MRC2: variants seen among roughly 807,000 people sequenced by gnomAD.
MRC2 encodes C-type mannose receptor 2.
MRC2 carries 84 observed loss-of-function variants against 206.2 expected under a neutral mutation model. The ratio of observed to expected loss-of-function variants is 0.41; its 90% CI spans 0.34 to 0.49. MRC2 has a LOEUF of 0.49. Among genes scored for constraint, MRC2 ranks in the 20% least tolerant of loss-of-function variants. MRC2 has a pLI of 0.31. For synonymous variants in MRC2, 798 were observed against 800.0 expected (o/e 1.00, Z 0.04); for missense variants, 1,676 against 2,001.5 (o/e 0.84, Z 3.10).
chr17:62,659,559 A>G (rs917779360), intron 1 of MRC2, among the ~76,000 whole-genome samples: 4 of 152,008 alleles, frequency 2.6e-5, no homozygotes, highest in Non-Finnish European at 5.9e-5. Context: ...AAAAAAAAAA[A>G]AGCTTTCAGC....
intron 23 of MRC2, 174 bp from the exon 24 acceptor site, chr17:62,689,348 A>G: frequency 3.4e-6 from 2 of 589,940 alleles, no homozygotes; most frequent in Non-Finnish European, 6.1e-6. Context: ...TTGTTAGCAA[A>G]CATGTATTAT....
intron 1 of MRC2, among the ~76,000 whole-genome samples, chr17:62,663,256 TC>T (rs2147462086): frequency 7.4e-6 from 1 of 134,534 alleles, no homozygotes; most frequent in Non-Finnish European, 1.6e-5. Context: ...CCCTCCTTCC[TC>T]CCTAGTTTCT....
Position 62,635,191 on chromosome 17 carries a change from CTTT to C in MRC2, c.118+7290_118+7292del, listed in dbSNP as rs35446845. On this transcript the variant is annotated intron_variant, in intron 1 of 29. Transcript: ENST00000303375. ...CCTGTTACTTCATTGCTATTTTTCTCTTTTTTTTTTTTTTTTTTTTTCAGAAAT... is the reference window on the plus strand; with the variant it reads ...CCTGTTACTTCATTGCTATTTTTCTCTTTTTTTTTTTTTTTTTTCAGAAAT... 3.3e-3 allele frequency among the ~76,000 whole-genome samples: 336 copies of C among 101,722 alleles called. 1 individual carries two copies. Among genetic ancestry groups the C allele is most frequent in the African/African-American group, 0.012 (312 of 26,190 alleles). 66.7% of individuals were successfully genotyped at this position (101,722 alleles called of 152,430 possible).
Position 62,682,230 on chromosome 17 carries a change from C to T in MRC2, c.2804-5C>T, listed in dbSNP as rs551680263. The T allele has an allele frequency of 2.3e-5, 36 of 1,575,292 alleles. No individual in the cohort carries two copies. The highest frequency in any genetic ancestry group is 1.9e-4 in the African/African-American group (14 of 73,758). ...GGTGACTGCCCTCCCCTCCCCTTTCCGCAGAGGACTGGGGGGACCAGAGGT... is the reference window on the plus strand; with the variant it reads ...GGTGACTGCCCTCCCCTCCCCTTTCTGCAGAGGACTGGGGGGACCAGAGGT... On this transcript the variant is annotated splice_polypyrimidine_tract_variant and splice_region_variant and intron_variant, in intron 19 of 29. Coordinates refer to ENST00000303375, the MANE Select transcript of MRC2 (RefSeq NM_006039.5).
chr17:62,685,927 C>T (rs1598996701), intron 20 of MRC2, among the ~76,000 whole-genome samples: 1 of 152,216 alleles, frequency 6.6e-6, no homozygotes, highest in African/African-American at 2.4e-5. Context: ...CTGTGCCCTT[C>T]TTTGTGTCCC....
chr17:62,676,009 T>C lies in MRC2; in HGVS notation c.1685+104T>C, dbSNP rs545317853. On this transcript the variant is annotated intron_variant, in intron 10 of 29. Coordinates refer to ENST00000303375, the MANE Select transcript of MRC2 (RefSeq NM_006039.5). ...ATCTGCCATCATGCCCAGAGGGACC[T>C]GGAGTCCTGTGAACCTCAGTGGGCT... 9.6e-5 allele frequency: 89 copies of C among 924,888 alleles called. No homozygotes were observed. In the African/African-American group the frequency reaches 1.2e-3, roughly 13 times the overall value. 57.3% of individuals were successfully genotyped at this position (924,888 alleles called of 1,614,324 possible). A position where few individuals can be genotyped will look rare whatever the true frequency, so the allele number is the denominator to read the frequency against.
At position 62,671,910 on chromosome 17, in the gene MRC2, G is replaced by A; in HGVS notation, c.1306+73G>A. On this transcript the variant is annotated intron_variant, in intron 7 of 29. Transcript: ENST00000303375. This position sits in a 1 kb window ranked among gnomAD's most constrained non-coding sequence, Gnocchi z 4.5. Reference sequence around the variant, plus strand: ...ACTGCCCCACCCATCCTGTCCAGGAGCCTCAGAGAATGTTCCTTCCTCCCT... The same window carrying A: ...ACTGCCCCACCCATCCTGTCCAGGAACCTCAGAGAATGTTCCTTCCTCCCT... 1 of 1,601,554 alleles carries A rather than the reference G, an allele frequency of 6.2e-7. No individual in the cohort carries two copies. Among genetic ancestry groups the A allele is most frequent in the East Asian group, 2.2e-5 (1 of 44,696 alleles).
chr17:62,690,337 G>A (rs764973659), intron 26 of MRC2, 32 bp downstream of exon 26: 60 of 1,580,024 alleles, frequency 3.8e-5, no homozygotes, highest in Middle Eastern at 1.8e-4. Context: ...CACACATGGC[G>A]GGCAGGTGGC....
intron 1 of MRC2, among the ~76,000 whole-genome samples, chr17:62,639,906 T>C (rs759126025): frequency 3.3e-5 from 5 of 151,860 alleles, no homozygotes; most frequent in Non-Finnish European, 7.4e-5. Flanking sequence ...CAGGCTGGAG[T>C]GCAATGGCTC....
chr17:62,661,954 A>G (rs1408065318), intron 1 of MRC2, among the ~76,000 whole-genome samples: 1 of 152,154 alleles, frequency 6.6e-6, no homozygotes, highest in East Asian at 1.9e-4. Flanking sequence ...ATATCTTTAA[A>G]AGATTATTCT....
chr17:62,650,096 T>C (rs1416710509), intron 1 of MRC2, among the ~76,000 whole-genome samples: 1 of 152,118 alleles, frequency 6.6e-6, no homozygotes, highest in Admixed American at 6.6e-5. Flanking sequence ...TGTCTCACCA[T>C]GTTGGCCAGG....
rs1473902192 is a variant in MRC2 at position 62,693,180 on chromosome 17, C to T, written c.*729C>T. On this transcript the variant is annotated 3_prime_UTR_variant, in exon 30 of 30. Transcript: ENST00000303375. ...GCTGGGCCGGGCTGGGATGTCATCT[C>T]CTGCCGGGCGGGGGAGGGCTCTGCC... The T allele has an allele frequency of 6.5e-6, 1 of 152,674 alleles. No homozygotes were observed. Among genetic ancestry groups the T allele is most frequent in the Non-Finnish European group, 1.5e-5 (1 of 68,128 alleles). 9.5% of individuals were successfully genotyped at this position (152,674 alleles called of 1,614,324 possible). A position where few individuals can be genotyped will look rare whatever the true frequency, so the allele number is the denominator to read the frequency against.
At chr17:62,631,894 G>C (rs1568045906) in intron 1 of MRC2, among the ~76,000 whole-genome samples, 1 of 152,324 alleles carries the variant, frequency 6.6e-6, no homozygotes, top group South Asian at 2.1e-4. Context: ...CTGCAGAACT[G>C]AAGTAGAGAT....
rs774312146 is a variant in MRC2 at position 62,689,969 on chromosome 17, C to T, written c.3649C>T (p.Pro1217Ser). ...CTGGCAGGACGGGGAGCCGCAGCAG[C>T]CGGGGGGCTGTACCTACGTAGATGT... ...VGWQDGEPQQ[P>S]GGCTYVDVDG... is the part of the protein sequence containing the mutation. Residue 1217 changes from proline (P) to serine (S), a missense_variant, in exon 25 of 30, where the codon CCG (proline) becomes TCG (serine). By Grantham distance (74) the Pro-to-Ser change is moderately conservative (BLOSUM62 -1). Coordinates refer to ENST00000303375, the MANE Select transcript of MRC2 (RefSeq NM_006039.5). The T allele has an allele frequency of 5.0e-6, 8 of 1,612,568 alleles. No individual in the cohort carries two copies. The South Asian group carries it at 8.8e-5, about 18-fold the overall frequency.
At chr17:62,635,452 G>A (rs1211221700) in intron 1 of MRC2, among the ~76,000 whole-genome samples, 1 of 151,984 alleles carries the variant, frequency 6.6e-6, no homozygotes, top group Admixed American at 6.6e-5. Flanking sequence ...GGAGCTTCCT[G>A]GGACTCTGGA....
At chr17:62,639,132 T>C (rs77669587) in intron 1 of MRC2, among the ~76,000 whole-genome samples, 1 of 152,124 alleles carries the variant, frequency 6.6e-6, no homozygotes, top group Admixed American at 6.6e-5. Flanking sequence ...GTCAGGAGTT[T>C]TGAGACCATC....
intron 20 of MRC2, among the ~76,000 whole-genome samples, chr17:62,682,949 G>T (rs888428116): frequency 5.9e-5 from 9 of 151,926 alleles, no homozygotes; most frequent in Non-Finnish European, 1.3e-4. Flanking sequence ...CCTGATTGCC[G>T]GCCTGATTAT....
intron 13 of MRC2, chr17:62,679,529 C>T (rs994803640): frequency 1.3e-5 from 4 of 297,428 alleles, no homozygotes; most frequent in Admixed American, 4.6e-5. Context: ...GGACAGGGCA[C>T]CCCCACCCAA....
chr17:62,666,926 C>A lies in MRC2; in HGVS notation c.973+56C>A. On this transcript the variant is annotated intron_variant, in intron 5 of 29. Coordinates refer to ENST00000303375, the MANE Select transcript of MRC2 (RefSeq NM_006039.5). The surrounding 1 kb of genome is among the most constrained non-coding windows in gnomAD (Gnocchi z 5.0). ...CATAGGGGCCCCGCGGGCTCTTGGC[C>A]TCCCATGGACTCCTCTCCTCATGTC... is the stretch of plus-strand genomic sequence containing the variant. 7.8e-7 allele frequency: 1 copy of A among 1,275,374 alleles called. No individual in the cohort carries two copies. Among genetic ancestry groups the A allele is most frequent in the South Asian group, 1.3e-5 (1 of 79,308 alleles). 79.0% of individuals were successfully genotyped at this position (1,275,374 alleles called of 1,614,324 possible). A position where few individuals can be genotyped will look rare whatever the true frequency, so the allele number is the denominator to read the frequency against.
Sources: gnomAD v4.1 joint callset for allele counts (sites outside exome capture counted in the v4.1 genomes callset) on GRCh38, gnomAD v4.1.1 for gene constraint, Gnocchi (gnomAD v3.1) non-coding constraint, MANE v1.5 for transcripts, NCBI Gene and HGNC (gene_info 2026-07-23, HGNC 2026-07-21) for gene names.